Variants in PDIA5 observed in about 807,000 individuals in gnomAD.
PDIA5 encodes protein disulfide isomerase family A member 5.
Under a neutral mutation model 77.6 loss-of-function variants are expected in PDIA5, and 58 were observed. The observed-to-expected ratio is 0.75, with a 90% CI of 0.61 to 0.93. The LOEUF (loss-of-function observed/expected upper bound fraction) is 0.93. PDIA5 is among the 40% of genes least tolerant of loss of function. The pLI is 0.00. For synonymous variants in PDIA5, 250 were observed against 252.1 expected, an observed-to-expected ratio of 0.99 and a Z score of 0.08; for missense variants, 630 against 647.7, an observed-to-expected ratio of 0.97 and a Z score of 0.30.
intron 5 of PDIA5, among the ~76,000 whole-genome samples, chr3:123,106,396 T>G (rs1202515779): frequency 6.6e-6 from 1 of 152,226 alleles, no homozygotes; most frequent in Admixed American, 6.5e-5. Context: ...TGAGATTTAG[T>G]AGAAGCACTA....
At chr3:123,093,229 G>C (rs1408091340) in intron 3 of PDIA5, among the ~76,000 whole-genome samples, 1 of 151,842 alleles carries the variant, frequency 6.6e-6, no homozygotes, top group African/African-American at 2.4e-5. Context: ...AGGATAATAA[G>C]TCTTAGCCAA....
At chr3:123,116,331 G>A in intron 8 of PDIA5, 33 bp downstream of exon 8, 1 of 1,577,842 alleles carries the variant, frequency 6.3e-7, no homozygotes, top group Non-Finnish European at 8.7e-7. Flanking sequence ...GCAGGGCTGG[G>A]TCACTCTTGG....
chr3:123,116,353 G>A, intron 8 of PDIA5, 55 bp downstream of exon 8: 1 of 1,357,652 alleles, frequency 7.4e-7, no homozygotes, highest in Non-Finnish European at 1.0e-6. Context: ...CTTGGCGGAG[G>A]AAGGGTGCCA....
At chr3:123,157,743 C>A (rs577119427) in intron 15 of PDIA5, among the ~76,000 whole-genome samples, 9 of 152,244 alleles carry the variant, frequency 5.9e-5, no homozygotes, top group Non-Finnish European at 1.0e-4. Context: ...GCCTCCACCC[C>A]CTCCCGGGAG....
At chr3:123,121,773 C>T (rs79903995) in intron 8 of PDIA5, among the ~76,000 whole-genome samples, 4,441 of 152,312 alleles carry the variant, frequency 0.029, 246 homozygotes, top group African/African-American at 0.1. Flanking sequence ...ACAAAAATAG[C>T]TAATACATTT....
chr3:123,137,341 C>G lies in PDIA5; in HGVS notation c.910+6725C>G, dbSNP rs867651160. Reference sequence around the variant, plus strand: ...GGACCACCTATTCATACACTTTGCTCATTTTTCTGCTAGGTCTTTTTATTT... The same window carrying G: ...GGACCACCTATTCATACACTTTGCTGATTTTTCTGCTAGGTCTTTTTATTT... On this transcript the variant is annotated intron_variant, in intron 11 of 16. Coordinates refer to ENST00000316218, the MANE Select transcript of PDIA5 (RefSeq NM_006810.4). 2.0e-5 allele frequency among the ~76,000 whole-genome samples: 3 copies of G among 152,336 alleles called. No homozygotes were observed. In the Middle Eastern group the frequency reaches 0.01, roughly 518 times the overall value.
intron 1 of PDIA5, among the ~76,000 whole-genome samples, chr3:123,069,541 G>C (rs532181365): frequency 6.6e-6 from 1 of 152,264 alleles, no homozygotes; most frequent in East Asian, 1.9e-4. Context: ...CAGACCAAAA[G>C]TCCGAAATCA....
intron 3 of PDIA5, among the ~76,000 whole-genome samples, chr3:123,096,861 G>C (rs959746848): frequency 6.6e-6 from 1 of 152,234 alleles, no homozygotes; most frequent in South Asian, 2.1e-4. Context: ...GCTGGGGCTC[G>C]GGCTTGGCGT....
chr3:123,124,086 C>G lies in PDIA5; in HGVS notation c.630C>G (p.Val210=). 1.2e-6 allele frequency: 2 copies of G among 1,613,950 alleles called. No homozygotes were observed. Among genetic ancestry groups the G allele is most frequent in the Non-Finnish European group, 1.7e-6 (2 of 1,179,796 alleles). Residue 210 remains valine, a synonymous_variant, in exon 9 of 17, where the codon GTC becomes GTG. Coordinates refer to ENST00000316218, the MANE Select transcript of PDIA5 (RefSeq NM_006810.4). ...RGHAVLAGMN[V]YSSEFENIKE... ...CCCAGGTGCTGGCCGGGATGAATGT[C>G]TACTCCTCTGAATTTGAAAACATCA...
chr3:123,136,533 G>A (rs1254999675), intron 11 of PDIA5, among the ~76,000 whole-genome samples: 1 of 152,146 alleles, frequency 6.6e-6, no homozygotes, highest in Non-Finnish European at 1.5e-5. Context: ...GAGGTCAGAA[G>A]TTCGAGACCA....
intron 7 of PDIA5, 140 bp from the exon 8 acceptor site, chr3:123,116,091 C>T (rs1576449917): frequency 7.0e-6 from 5 of 717,654 alleles, no homozygotes; most frequent in Non-Finnish European, 1.2e-5. Flanking sequence ...TTTGTGTCCC[C>T]AGGGTCTGGA....
At chr3:123,159,884 C>T (rs550698092) in intron 15 of PDIA5, among the ~76,000 whole-genome samples, 6 of 152,302 alleles carry the variant, frequency 3.9e-5, no homozygotes, top group Admixed American at 6.5e-5. Flanking sequence ...GATGAGTAAA[C>T]GTGGCCATGG....
intron 1 of PDIA5, 106 bp downstream of exon 1, chr3:123,067,312 G>A (rs762666428): frequency 1.6e-5 from 16 of 997,410 alleles, no homozygotes; most frequent in South Asian, 5.2e-5. Context: ...GAGCTGCCCC[G>A]GGGCACCGGG....
chr3:123,084,378 C>T (rs1417329198), intron 1 of PDIA5, among the ~76,000 whole-genome samples: 1 of 152,068 alleles, frequency 6.6e-6, no homozygotes, highest in Non-Finnish European at 1.5e-5. Flanking sequence ...TCCCAGCCTC[C>T]CCACTCTGAC....
At chr3:123,073,083 C>T (rs535256464) in intron 1 of PDIA5, among the ~76,000 whole-genome samples, 18 of 152,308 alleles carry the variant, frequency 1.2e-4, no homozygotes, top group Middle Eastern at 3.4e-3. Context: ...TCTGGCTCCC[C>T]GTGTGATCTG....
chr3:123,148,754 C>T (rs1225720745), intron 13 of PDIA5, among the ~76,000 whole-genome samples: 1 of 152,094 alleles, frequency 6.6e-6, no homozygotes, highest in Non-Finnish European at 1.5e-5. Flanking sequence ...GGTGAAGAAA[C>T]TTAGGTTCAG....
intron 7 of PDIA5, 123 bp from the exon 8 acceptor site, chr3:123,116,108 C>T (rs1468462959): frequency 5.0e-6 from 4 of 805,136 alleles, no homozygotes; most frequent in African/African-American, 1.7e-5. Flanking sequence ...TGGAATAGTC[C>T]TGAGCTTCTC....
intron 11 of PDIA5, among the ~76,000 whole-genome samples, chr3:123,144,246 T>C (rs1373368802): frequency 2.0e-5 from 3 of 152,164 alleles, no homozygotes; most frequent in Admixed American, 1.3e-4. Flanking sequence ...TTCTTGTCTT[T>C]CTTTTTCCTA....
intron 2 of PDIA5, 112 bp downstream of exon 2, chr3:123,089,406 G>A (rs1480310335): frequency 9.9e-7 from 1 of 1,014,834 alleles, no homozygotes; most frequent in East Asian, 2.4e-5. Flanking sequence ...AGGGTCCAAG[G>A]GACATGGGGT....
Sources: allele counts gnomAD v4.1 joint callset (sites outside exome capture counted in the v4.1 genomes callset), GRCh38; gene constraint gnomAD v4.1.1; transcripts MANE v1.5; gene names NCBI Gene and HGNC (gene_info 2026-07-23, HGNC 2026-07-21).